SLC36A2: variants seen among roughly 807,000 people sequenced by gnomAD.
The protein encoded by SLC36A2 is proton-coupled amino acid transporter 2.
SLC36A2 carries 39 observed loss-of-function variants against 42.7 expected under a neutral mutation model. That is an observed-to-expected ratio of 0.91 (90% CI 0.71 to 1.19). The LOEUF (loss-of-function observed/expected upper bound fraction) is 1.19, where lower values mean the gene tolerates loss of function less well. Ranked by LOEUF, SLC36A2 falls within the 50% of genes most tolerant of loss-of-function variation. The pLI is 0.00. For synonymous variants in SLC36A2, 237 were observed against 240.8 expected, an observed-to-expected ratio of 0.98 and a Z score of 0.15; for missense variants, 590 against 613.7, an observed-to-expected ratio of 0.96 and a Z score of 0.41.
At chr5:151,344,298 G>C in intron 1 of SLC36A2, 31 bp from the exon 2 acceptor site, 1 of 1,559,364 alleles carries the variant, frequency 6.4e-7, no homozygotes, top group Non-Finnish European at 8.8e-7. Flanking sequence ...GTGAAGTATG[G>C]GTGTGTGGAG....
chr5:151,328,035 T>C (rs1755898856), intron 7 of SLC36A2, among the ~76,000 whole-genome samples: 1 of 152,324 alleles, frequency 6.6e-6, no homozygotes, highest in Non-Finnish European at 1.5e-5. Context: ...TGAACAAATA[T>C]TGTCATCAGT....
intron 8 of SLC36A2, 109 bp from the exon 9 acceptor site, chr5:151,322,324 C>T (rs1755719667): frequency 7.4e-7 from 1 of 1,348,268 alleles, no homozygotes; most frequent in Admixed American, 2.0e-5. Context: ...TTTTGTTTCC[C>T]TTTCTGAAAA....
intron 6 of SLC36A2, among the ~76,000 whole-genome samples, 153 bp downstream of exon 6, chr5:151,335,176 A>C (rs931128063): frequency 1.3e-5 from 2 of 152,202 alleles, no homozygotes; most frequent in Admixed American, 1.3e-4. Flanking sequence ...CTGCACGGAG[A>C]CATCCTTGTA....
intron 9 of SLC36A2, chr5:151,319,325 T>C (rs1755615182): frequency 6.4e-6 from 1 of 157,280 alleles, no homozygotes; most frequent in Admixed American, 6.5e-5. Flanking sequence ...AGTTCCTGCA[T>C]TCAAGGTCAA....
chr5:151,320,296 G>A (rs1233903336), intron 9 of SLC36A2, among the ~76,000 whole-genome samples: 1 of 151,344 alleles, frequency 6.6e-6, no homozygotes, highest in Non-Finnish European at 1.5e-5. Flanking sequence ...GCTGCTTTTA[G>A]TTTCTCTGAA....
rs1229279943 is a variant in SLC36A2, at chr5:151,317,069, G to C, written c.1200C>G (p.Ile400Met). The stretch of plus-strand genomic sequence containing the variant: ...GGGAGATGACCAGGTCCAGGCGGGG[G>C]ATGAGGATGGCCAGGAGGCCTGCAG... ...VCLTCLLAIL[I>M]PRLDLVISLV... Residue 400 changes from isoleucine (I) to methionine (M), a missense_variant, in exon 10 of 10, where the codon ATC becomes ATG. By Grantham distance (10) the Ile-to-Met change is conservative. Coordinates refer to ENST00000335244, the MANE Select transcript of SLC36A2 (RefSeq NM_181776.3). 1.9e-6 allele frequency: 3 copies of C among 1,613,964 alleles called. No individual in the cohort carries two copies. In the African/African-American group the frequency reaches 4.0e-5, roughly 22 times the overall value.
At chr5:151,340,150 AAGG>A (rs1287180226) in intron 4 of SLC36A2, among the ~76,000 whole-genome samples, 1 of 106,580 alleles carries the variant, frequency 9.4e-6, no homozygotes, top group African/African-American at 6.0e-5. Context: ...AGAGGAGGAG[AAGG>A]AGGAGGAAGA....
intron 7 of SLC36A2, among the ~76,000 whole-genome samples, chr5:151,328,376 C>T (rs1755905443): frequency 6.6e-6 from 1 of 152,150 alleles, no homozygotes; most frequent in South Asian, 2.1e-4. Context: ...TTTTCTTCTT[C>T]CCATACATCC....
chr5:151,335,528 C>T lies in SLC36A2; in HGVS notation c.545G>A (p.Ser182Asn). The T allele has an allele frequency of 1.2e-6, 2 of 1,613,914 alleles. No individual in the cohort carries two copies. Among genetic ancestry groups the T allele is most frequent in the Non-Finnish European group, 1.7e-6 (2 of 1,179,860 alleles). Residue 182 changes from serine to asparagine, a missense_variant, in exon 6 of 10, where the codon AGC becomes AAC. Transcript: ENST00000335244. Reference sequence around the variant, plus strand: ...ATTGGAATAGCAGTTGTTGGTTGTGCTATTAACAGCTTCCACTACCTGAGG... The same window carrying T: ...ATTGGAATAGCAGTTGTTGGTTGTGTTATTAACAGCTTCCACTACCTGAGG... The part of the protein sequence containing the change: ...NLKQVVEAVN[S>N]TTNNCYSNET...
chr5:151,339,383 C>T (rs10053805), intron 4 of SLC36A2, among the ~76,000 whole-genome samples: 30,211 of 150,768 alleles, frequency 0.2, 7,763 homozygotes, highest in African/African-American at 0.6. Context: ...GGTGGGATCT[C>T]GGCTCACCAC....
At chr5:151,342,743 G>T in intron 4 of SLC36A2, 145 bp downstream of exon 4, 1 of 688,752 alleles carries the variant, frequency 1.5e-6, no homozygotes, top group Non-Finnish European at 2.7e-6. Context: ...GTTGATCAGG[G>T]ATGTTGCCAA....
chr5:151,323,341 G>A (rs964424262), intron 8 of SLC36A2, among the ~76,000 whole-genome samples: 12 of 152,172 alleles, frequency 7.9e-5, no homozygotes, highest in Admixed American at 6.5e-4. Flanking sequence ...CCACATTTCT[G>A]TGTTTCTTGC....
chr5:151,318,239 A>C (rs1011299898), intron 9 of SLC36A2, among the ~76,000 whole-genome samples: 1 of 151,984 alleles, frequency 6.6e-6, no homozygotes, highest in East Asian at 1.9e-4. Flanking sequence ...TACATATCCA[A>C]CAAAACTTAA....
rs763839191 is a variant in SLC36A2, at chr5:151,316,931, C to G, written c.1338G>C (p.Leu446=). The G allele has an allele frequency of 1.2e-6, 2 of 1,613,992 alleles. No individual in the cohort carries two copies. Among genetic ancestry groups the G allele is most frequent in the Non-Finnish European group, 1.7e-6 (2 of 1,179,978 alleles). The change falls in exon 10 of 10, where the codon CTG becomes CTC. Residue 446 remains leucine, a synonymous_variant. Coordinates refer to ENST00000335244, the MANE Select transcript of SLC36A2 (RefSeq NM_181776.3). ...AGCCCACGAAGCCCAGGATGCTGATCAGGGCGTCCTTGAAGATGGTGAGGG... is the reference window on the plus strand; with the variant it reads ...AGCCCACGAAGCCCAGGATGCTGATGAGGGCGTCCTTGAAGATGGTGAGGG... ...MSPLTIFKDA[L]ISILGFVGFV...
intron 6 of SLC36A2, among the ~76,000 whole-genome samples, chr5:151,334,389 T>C (rs1169768598): frequency 6.6e-6 from 1 of 151,698 alleles, no homozygotes; most frequent in Non-Finnish European, 1.5e-5. Context: ...TAGTGTTGTC[T>C]ATTATAAAAG....
At chr5:151,343,694 G>T in intron 2 of SLC36A2, 96 bp from the exon 3 acceptor site, 1 of 1,068,044 alleles carries the variant, frequency 9.4e-7, no homozygotes, top group Non-Finnish European at 1.4e-6. Flanking sequence ...ATATCATGCA[G>T]AACTCAAAGA....
In SLC36A2 at chr5:151,316,809, T is replaced by C. The variant is rs775336246; in HGVS notation, c.*8A>G. 6.2e-7 allele frequency: 1 copy of C among 1,606,470 alleles called. No individual in the cohort carries two copies. The highest frequency in any genetic ancestry group is 1.1e-5 in the South Asian group (1 of 90,842). ...TCGGGTGCTGGTAGGCAAGGAGCAGTGCCAGGCTCACCGAACAAAAGTGGT... is the reference window on the plus strand; with the variant it reads ...TCGGGTGCTGGTAGGCAAGGAGCAGCGCCAGGCTCACCGAACAAAAGTGGT... On this transcript the variant is annotated 3_prime_UTR_variant, in exon 10 of 10. Coordinates refer to ENST00000335244, the MANE Select transcript of SLC36A2 (RefSeq NM_181776.3).
At chr5:151,338,681 G>GA (rs113529350) in intron 5 of SLC36A2, 3,337 of 180,074 alleles carry the variant, frequency 0.019, no homozygotes, top group South Asian at 0.049. Flanking sequence ...GTCTCAAAAA[G>GA]AAAAAAAAAA....
chr5:151,345,092 A>G (rs1460790870), intron 1 of SLC36A2, among the ~76,000 whole-genome samples: 1 of 152,196 alleles, frequency 6.6e-6, no homozygotes, highest in Non-Finnish European at 1.5e-5. Context: ...AGTCTAAACC[A>G]TCAGGAGAAA....
Sources: allele counts gnomAD v4.1 joint callset (sites outside exome capture counted in the v4.1 genomes callset), GRCh38; gene constraint gnomAD v4.1.1; transcripts MANE v1.5; gene names NCBI Gene and HGNC (gene_info 2026-07-23, HGNC 2026-07-21).